MPDZ: variants seen among roughly 807,000 people sequenced by gnomAD.
MPDZ encodes multiple PDZ domain protein.
In MPDZ, 234 loss-of-function variants were observed where a neutral mutation model predicts 239.1. The ratio of observed to expected loss-of-function variants is 0.98; its 90% CI spans 0.88 to 1.09. The LOEUF is 1.09. Ranked by LOEUF, MPDZ falls within the 50% of genes least tolerant of loss-of-function variation. The probability of loss-of-function intolerance (pLI) is 0.00; values close to 1 mark genes in which losing one functional copy is unlikely to be tolerated. For missense variants in MPDZ, 3,175 were observed against 2,510.0 expected, an observed-to-expected ratio of 1.26 and a Z score of -5.66; for synonymous variants, 1,048 against 881.3, an observed-to-expected ratio of 1.19 and a Z score of -3.35.
chr9:13,251,496 T>C (rs1485912993), intron 1 of MPDZ, among the ~76,000 whole-genome samples: 1 of 152,300 alleles, frequency 6.6e-6, no homozygotes, highest in African/African-American at 2.4e-5. Context: ...CATAGTTCCA[T>C]CTCTCTTTTG....
chr9:13,217,587 C>A (rs1958514226), intron 8 of MPDZ, among the ~76,000 whole-genome samples: 1 of 151,746 alleles, frequency 6.6e-6, no homozygotes, highest in Non-Finnish European at 1.5e-5. Flanking sequence ...TTTTTTTTAG[C>A]AAATTCTATT....
intron 21 of MPDZ, among the ~76,000 whole-genome samples, chr9:13,169,496 G>C (rs1018118208): frequency 6.6e-6 from 1 of 151,900 alleles, no homozygotes; most frequent in African/African-American, 2.4e-5. Flanking sequence ...AATTTATCTT[G>C]AATCCATTTA....
chr9:13,129,164 T>C (rs1945552648), intron 32 of MPDZ, among the ~76,000 whole-genome samples: 1 of 152,108 alleles, frequency 6.6e-6, no homozygotes, highest in African/African-American at 2.4e-5. Context: ...TTTATTGATA[T>C]CAGAAAAGCA....
At position 13,175,892 on chromosome 9, in the gene MPDZ, G is replaced by T. The variant is rs148104023; in HGVS notation, c.2932-17C>A. On this transcript the variant is annotated splice_polypyrimidine_tract_variant and intron_variant, in intron 20 of 46. Coordinates refer to ENST00000319217, the MANE Select transcript of MPDZ (RefSeq NM_001378778.1). Reference sequence around the variant, plus strand: ...CTCAGAGCCCTTTAAGAAAGAAAAAGAAGTCACAAGTCACATGGAAAGGGA... The same window carrying T: ...CTCAGAGCCCTTTAAGAAAGAAAAATAAGTCACAAGTCACATGGAAAGGGA... 5.7e-6 allele frequency: 9 copies of T among 1,576,368 alleles called. No homozygotes were observed. The East Asian group carries it at 2.1e-4, about 36-fold the overall frequency.
At chr9:13,111,632 G>A (rs866873893) in intron 43 of MPDZ, among the ~76,000 whole-genome samples, 1 of 152,168 alleles carries the variant, frequency 6.6e-6, no homozygotes, top group Admixed American at 6.5e-5. Context: ...AAAATTATCA[G>A]TGAATGCAAA....
At chr9:13,229,248 GC>G (rs1961630666) in intron 3 of MPDZ, among the ~76,000 whole-genome samples, 1 of 152,002 alleles carries the variant, frequency 6.6e-6, no homozygotes, top group African/African-American at 2.4e-5. Flanking sequence ...CAACTCTTCT[GC>G]CATACTCTGT....
intron 1 of MPDZ, among the ~76,000 whole-genome samples, chr9:13,261,327 G>C (rs2138726119): frequency 6.6e-6 from 1 of 152,198 alleles, no homozygotes. Flanking sequence ...CACAATCACT[G>C]ATCTCCATTT....
At chr9:13,146,006 T>C (rs559801231) in intron 26 of MPDZ, among the ~76,000 whole-genome samples, 4 of 152,178 alleles carry the variant, frequency 2.6e-5, no homozygotes, top group Admixed American at 2.6e-4. Context: ...TTATGCTGTG[T>C]CTATGTTTAA....
At chr9:13,248,078 A>C (rs769113836) in intron 2 of MPDZ, among the ~76,000 whole-genome samples, 25 of 151,914 alleles carry the variant, frequency 1.6e-4, no homozygotes, top group Non-Finnish European at 3.5e-4. Flanking sequence ...AATACAAAAA[A>C]TTAGCCGGGC....
At chr9:13,216,424 C>T (rs1400262412) in intron 10 of MPDZ, among the ~76,000 whole-genome samples, 2 of 150,268 alleles carry the variant, frequency 1.3e-5, no homozygotes, top group Non-Finnish European at 3.0e-5. Flanking sequence ...ATTCATATTC[C>T]AATACCCTAA....
intron 21 of MPDZ, among the ~76,000 whole-genome samples, chr9:13,171,528 T>C (rs1951781910): frequency 6.6e-6 from 1 of 152,162 alleles, no homozygotes. Context: ...ACTTCCTTTC[T>C]TTTCCCCTGA....
chr9:13,138,056 G>T lies in MPDZ; in HGVS notation c.4101C>A (p.Asn1367Lys), dbSNP rs1246889147. ...HSGLGLSLAG[N>K]KDRSRMSVFI... is the part of the protein sequence containing the mutation. Reference sequence around the variant, plus strand: ...AGACACTCATCCTGGATCGGTCTTTGTTCCCAGCAAGACTTAGGCCCAAAC... The same window carrying T: ...AGACACTCATCCTGGATCGGTCTTTTTTCCCAGCAAGACTTAGGCCCAAAC... The change falls in exon 29 of 47, where the codon AAC becomes AAA. Residue 1367 changes from asparagine to lysine, a missense_variant. By Grantham distance (94) the Asn-to-Lys change is moderately conservative. Transcript: ENST00000319217. 1 of 1,613,772 alleles carries T rather than the reference G, an allele frequency of 6.2e-7. No individual in the cohort carries two copies.
Position 13,188,789 on chromosome 9 carries a change from A to G in MPDZ, c.2359T>C (p.Leu787=), listed in dbSNP as rs1954502152. 6.2e-7 allele frequency: 1 copy of G among 1,612,220 alleles called. No individual in the cohort carries two copies. The highest frequency in any genetic ancestry group is 1.1e-5 in the South Asian group (1 of 90,940). ...GTVRIGVAKP[L]PLSPEEGYVS... Reference sequence around the variant, plus strand: ...AATAAAGTCTGAATTCTTACGGGTAAAGGCTTAGCAACTCCTATTCTCACA... The same window carrying G: ...AATAAAGTCTGAATTCTTACGGGTAGAGGCTTAGCAACTCCTATTCTCACA... Residue 787 remains leucine (L), a synonymous_variant, in exon 17 of 47, where the codon TTA becomes CTA. Transcript: ENST00000319217.
chr9:13,176,445 A>G (rs1463673709), intron 19 of MPDZ, 28 bp from the exon 20 acceptor site: 1 of 1,495,822 alleles, frequency 6.7e-7, no homozygotes. Flanking sequence ...ACAACAACAA[A>G]ACATGAAAAA....
intron 23 of MPDZ, among the ~76,000 whole-genome samples, chr9:13,160,858 A>ATATATATATATATATATG (rs1950388807): frequency 8.2e-6 from 1 of 121,934 alleles, no homozygotes. Context: ...ATATATATAT[A>ATATATATATATATATATG]TATATATATA....
intron 44 of MPDZ, 142 bp from the exon 45 acceptor site, chr9:13,110,206 A>C (rs1054099146): frequency 2.1e-5 from 14 of 651,450 alleles, no homozygotes; most frequent in Non-Finnish European, 3.2e-5. Flanking sequence ...AATACAACCA[A>C]AGAGAATGAA....
At chr9:13,129,649 G>C (rs939498651) in intron 32 of MPDZ, among the ~76,000 whole-genome samples, 1 of 151,866 alleles carries the variant, frequency 6.6e-6, no homozygotes, top group Non-Finnish European at 1.5e-5. Flanking sequence ...ATTTTGTTTG[G>C]GGCTAGTTAT....
At chr9:13,148,038 T>G (rs144370974) in intron 25 of MPDZ, among the ~76,000 whole-genome samples, 3 of 152,152 alleles carry the variant, frequency 2.0e-5, no homozygotes, top group Non-Finnish European at 4.4e-5. Flanking sequence ...AATTTTCTTC[T>G]AATTGACTAT....
At position 13,249,865 on chromosome 9, in the gene MPDZ, A is replaced by G. The variant is rs561358241; in HGVS notation, c.16+435T>C. On this transcript the variant is annotated intron_variant, in intron 2 of 46. Transcript: ENST00000319217. ...TTAAACTGCCTTAAAGCATAAGACT[A>G]AGCAACATTTTTCTCTTTATCAATT... Among the ~76,000 whole-genome samples, 4 of 152,340 alleles carry G rather than the reference A, an allele frequency of 2.6e-5. No individual in the cohort carries two copies. In the South Asian group the frequency reaches 8.3e-4, roughly 32 times the overall value.
Sources: gnomAD v4.1 joint callset for allele counts (sites outside exome capture counted in the v4.1 genomes callset) on GRCh38, gnomAD v4.1.1 for gene constraint, MANE v1.5 for transcripts, NCBI Gene and HGNC (gene_info 2026-07-23, HGNC 2026-07-21) for gene names.